The following STK39 variants were observed in gnomAD, a reference collection of about 807,000 sequenced individuals.
STK39 encodes STE20/SPS1-related proline-alanine-rich protein kinase.
Under a neutral mutation model 77.8 loss-of-function variants are expected in STK39, and 20 were observed. The ratio of observed to expected loss-of-function variants is 0.26; its 90% CI spans 0.18 to 0.37. The LOEUF (loss-of-function observed/expected upper bound fraction) is 0.37. Ranked by LOEUF, STK39 falls within the 10% of genes least tolerant of loss-of-function variation. STK39 has a pLI of 1.00. For synonymous variants in STK39, 246 were observed against 234.1 expected (o/e 1.05, Z -0.47); for missense variants, 479 against 656.5 (o/e 0.73, Z 2.95).
At chr2:167,956,513 G>A (rs924780954) in intron 17 of STK39, among the ~76,000 whole-genome samples, 3 of 149,734 alleles carry the variant, frequency 2.0e-5, no homozygotes, top group Admixed American at 6.6e-5. Context: ...GCAGTGAGCC[G>A]AGATCGTGCC....
At chr2:168,074,762 T>C (rs1183250215) in intron 12 of STK39, among the ~76,000 whole-genome samples, 1 of 152,164 alleles carries the variant, frequency 6.6e-6, no homozygotes, top group Non-Finnish European at 1.5e-5. Flanking sequence ...ATCATCCTCA[T>C]TTGACAGATG....
chr2:168,150,197 C>T (rs1034010255), intron 5 of STK39, among the ~76,000 whole-genome samples: 3 of 152,250 alleles, frequency 2.0e-5, no homozygotes, highest in Non-Finnish European at 4.4e-5. Flanking sequence ...GCACAGCCAA[C>T]TCCACAGGTT....
chr2:168,001,709 T>C (rs965627042), intron 16 of STK39, among the ~76,000 whole-genome samples: 3 of 152,172 alleles, frequency 2.0e-5, no homozygotes, highest in Admixed American at 6.5e-5. Flanking sequence ...TAAGAAATCA[T>C]GAGGCAGTGA....
intron 1 of STK39, among the ~76,000 whole-genome samples, chr2:168,193,483 G>A (rs192206362): frequency 6.6e-6 from 1 of 152,312 alleles, no homozygotes; most frequent in East Asian, 1.9e-4. Context: ...GAGTGAGAAG[G>A]AAAATTAAGA....
At chr2:168,063,378 TC>T (rs1023794763) in intron 14 of STK39, 121 bp downstream of exon 14, 49 of 844,998 alleles carry the variant, frequency 5.8e-5, no homozygotes, top group Non-Finnish European at 8.8e-5. Context: ...CACTCATGGT[TC>T]GGGGAAATCA....
chr2:167,995,587 A>T (rs1046322970), intron 16 of STK39, among the ~76,000 whole-genome samples: 33 of 152,292 alleles, frequency 2.2e-4, no homozygotes, highest in African/African-American at 7.5e-4. Context: ...TCAGAAGGAT[A>T]CAGAAAGAAC....
chr2:168,065,863 A>C (rs937212425), intron 12 of STK39, among the ~76,000 whole-genome samples: 26 of 152,308 alleles, frequency 1.7e-4, no homozygotes, highest in African/African-American at 4.3e-4. Flanking sequence ...AAAATACATA[A>C]GGATAGTTGC....
intron 1 of STK39, among the ~76,000 whole-genome samples, chr2:168,231,394 C>T (rs1690451686): frequency 6.6e-6 from 1 of 151,948 alleles, no homozygotes; most frequent in Non-Finnish European, 1.5e-5. Context: ...TTTCCAATTT[C>T]TCAGGAGGAA....
At chr2:168,140,886 G>C (rs1687964231) in intron 5 of STK39, 128 bp from the exon 6 acceptor site, 1 of 712,830 alleles carries the variant, frequency 1.4e-6, no homozygotes, top group Non-Finnish European at 2.2e-6. Context: ...CATGTCTACG[G>C]TGCTCTCTCA....
At chr2:168,049,709 G>A (rs542693867) in intron 14 of STK39, among the ~76,000 whole-genome samples, 1 of 152,354 alleles carries the variant, frequency 6.6e-6, no homozygotes, top group South Asian at 2.1e-4. Context: ...AGCAGTAAAT[G>A]CTATCCATAA....
intron 1 of STK39, among the ~76,000 whole-genome samples, chr2:168,238,624 T>C (rs1690680340): frequency 6.6e-6 from 1 of 152,242 alleles, no homozygotes; most frequent in East Asian, 1.9e-4. Flanking sequence ...CAAATAACTG[T>C]TTGGCAAGTG....
chr2:168,088,361 A>G (rs1360228634), intron 10 of STK39, among the ~76,000 whole-genome samples: 1 of 152,194 alleles, frequency 6.6e-6, no homozygotes, highest in Non-Finnish European at 1.5e-5. Context: ...AGGTCAATAC[A>G]TAGTCAATTT....
intron 10 of STK39, among the ~76,000 whole-genome samples, chr2:168,080,089 G>T (rs531872519): frequency 6.6e-6 from 1 of 152,294 alleles, no homozygotes; most frequent in Admixed American, 6.5e-5. Flanking sequence ...CTGCTACCCT[G>T]AGAGCAAGTC....
intron 1 of STK39, among the ~76,000 whole-genome samples, chr2:168,192,307 G>A (rs1441464304): frequency 6.6e-6 from 1 of 152,034 alleles, no homozygotes; most frequent in African/African-American, 2.4e-5. Flanking sequence ...GGTCTATCTG[G>A]AGCTTAGAGG....
intron 10 of STK39, among the ~76,000 whole-genome samples, chr2:168,112,028 G>A (rs1687132201): frequency 6.6e-6 from 1 of 151,868 alleles, no homozygotes; most frequent in South Asian, 2.1e-4. Context: ...ATTGAAGAGC[G>A]AGGACCAATT....
chr2:168,137,427 T>C (rs1218559982), intron 8 of STK39, among the ~76,000 whole-genome samples: 1 of 152,104 alleles, frequency 6.6e-6, no homozygotes, highest in Non-Finnish European at 1.5e-5. Flanking sequence ...CCATGATCAC[T>C]AACCAGGATA....
chr2:168,132,998 C>T (rs1687739709), intron 8 of STK39, among the ~76,000 whole-genome samples: 2 of 152,186 alleles, frequency 1.3e-5, no homozygotes, highest in African/African-American at 2.4e-5. Context: ...CAGCGGGGAA[C>T]AGGAGAAAGA....
At position 167,959,313 on chromosome 2, in the gene STK39, G is replaced by A. The variant is rs1193810511; in HGVS notation, c.1564-3743C>T. 4.6e-5 allele frequency among the ~76,000 whole-genome samples: 7 copies of A among 151,364 alleles called. No homozygotes were observed. In the East Asian group the frequency reaches 1.4e-3, roughly 29 times the overall value. On this transcript the variant is annotated intron_variant, in intron 17 of 17. Transcript: ENST00000355999. ...TTTTTTTTTTTGTATTTTTAGTAGA[G>A]ATGAAGTTTCACCATGTTAGCCAGG...
chr2:168,023,463 C>T (rs1684621045), intron 14 of STK39, among the ~76,000 whole-genome samples: 1 of 152,086 alleles, frequency 6.6e-6, no homozygotes, highest in Non-Finnish European at 1.5e-5. Flanking sequence ...GTGCAGAAGG[C>T]AGGTGCGATT....
Sources: allele counts gnomAD v4.1 joint callset (sites outside exome capture counted in the v4.1 genomes callset), GRCh38; gene constraint gnomAD v4.1.1; transcripts MANE v1.5; gene names NCBI Gene and HGNC (gene_info 2026-07-23, HGNC 2026-07-21).